The following FBXW11 variants were observed in gnomAD, a reference collection of about 807,000 sequenced individuals.
The protein encoded by FBXW11 is F-box and WD repeat domain containing 11.
A neutral mutation model predicts 77.6 loss-of-function variants in FBXW11; 19 were observed. That is an observed-to-expected ratio of 0.24 (90% CI 0.17 to 0.36). The LOEUF is 0.36. FBXW11 is among the 10% of genes least tolerant of loss of function. FBXW11 has a pLI of 1.00. For synonymous variants in FBXW11, 235 were observed against 249.4 expected (o/e 0.94, Z 0.54); for missense variants, 334 against 704.2 (o/e 0.47, Z 5.95).
intron 2 of FBXW11, among the ~76,000 whole-genome samples, chr5:171,925,499 G>A (rs80213724): frequency 0.026 from 3,997 of 152,206 alleles, 166 homozygotes; most frequent in African/African-American, 0.091. Context: ...TATTTTGTTT[G>A]AGACAAAGTC....
At chr5:171,981,266 C>A (rs985435872) in intron 1 of FBXW11, among the ~76,000 whole-genome samples, 7 of 152,130 alleles carry the variant, frequency 4.6e-5, no homozygotes, top group African/African-American at 1.7e-4. Flanking sequence ...CACCCAGGAC[C>A]CTTCTAGACC....
intron 2 of FBXW11, among the ~76,000 whole-genome samples, chr5:171,938,359 GGC>G (rs1762581239): frequency 6.6e-6 from 1 of 152,128 alleles, no homozygotes; most frequent in African/African-American, 2.4e-5. Flanking sequence ...CACTGCACCT[GGC>G]CATAAACAGA....
chr5:171,899,984 A>G lies in FBXW11; in HGVS notation c.553T>C (p.Trp185Arg). Residue 185 changes from tryptophan (W) to arginine (R), a missense_variant, in exon 5 of 14, where the codon TGG becomes CGG. Physicochemically the swap from Trp to Arg is moderately radical, Grantham distance 101 (BLOSUM62 -3). This residue lies in a region of FBXW11 where 56 missense variants were observed against 144.9 expected (regional missense o/e 0.39). Coordinates refer to ENST00000517395, the MANE Select transcript of FBXW11 (RefSeq NM_001378974.1). ...WQRVISEGML[W>R]KKLIERMVRT... ...ACCATTCGTTCAATCAGCTTCTTCCAAAGCATTCCTTCTGAGATCACTCGC... is the reference window on the plus strand; with the variant it reads ...ACCATTCGTTCAATCAGCTTCTTCCGAAGCATTCCTTCTGAGATCACTCGC... 1 of 1,613,860 alleles carries G rather than the reference A, an allele frequency of 6.2e-7. No homozygotes were observed.
At position 171,913,818 on chromosome 5, in the gene FBXW11, T is replaced by TACACACAC. The variant is rs1161644281; in HGVS notation, c.210+517_210+524dup. 3.9e-3 allele frequency among the ~76,000 whole-genome samples: 255 copies of TACACACAC among 65,176 alleles called. 8 individuals carry two copies. The highest frequency in any genetic ancestry group is 6.7e-3 in the South Asian group (13 of 1,928). 42.8% of individuals were successfully genotyped at this position (65,176 alleles called of 152,430 possible). ...CCCCAAACCCCCAACCACACACACA[T>TACACACAC]ACACACACACACACACACACACACA... On this transcript the variant is annotated intron_variant, in intron 3 of 13. Coordinates refer to ENST00000517395, the MANE Select transcript of FBXW11 (RefSeq NM_001378974.1).
rs1294746945 is a variant in FBXW11 at position 171,926,053 on chromosome 5, A to G, written c.148-11648T>C. Among the ~76,000 whole-genome samples the G allele has an allele frequency of 5.9e-5, 9 of 152,326 alleles. No homozygotes were observed. The East Asian group carries it at 1.7e-3, about 29-fold the overall frequency. ...AAAGCAACCATGTGCTTACAATATT[A>G]TCTCTGTAATTTTTATTTGATTTTT... On this transcript the variant is annotated intron_variant, in intron 2 of 13. Coordinates refer to ENST00000517395, the MANE Select transcript of FBXW11 (RefSeq NM_001378974.1).
In FBXW11 at chr5:171,869,198, A is replaced by G. The variant is rs1327451751; in HGVS notation, c.1531-402T>C. On this transcript the variant is annotated intron_variant, in intron 12 of 13. Coordinates refer to ENST00000517395, the MANE Select transcript of FBXW11 (RefSeq NM_001378974.1). The surrounding 1 kb of genome is among the most constrained non-coding windows in gnomAD (Gnocchi z 4.1). ...TGCCAGCATCAAAATTCATGGTGAA[A>G]TAATAATATAAGAGTTCCCATTAAA... Among the ~76,000 whole-genome samples, 1 of 152,216 alleles carries G rather than the reference A, an allele frequency of 6.6e-6. No homozygotes were observed. Among genetic ancestry groups the G allele is most frequent in the Non-Finnish European group, 1.5e-5 (1 of 68,040 alleles).
rs139296844 is a variant in FBXW11 at position 171,875,427 on chromosome 5, T to C, written c.1221+858A>G. ...GTCCAATCCCAAGACAGAAGGTAGA[T>C]GAGTGATCACCAGGGACTGGGAAGA... On this transcript the variant is annotated intron_variant, in intron 9 of 13. Coordinates refer to ENST00000517395, the MANE Select transcript of FBXW11 (RefSeq NM_001378974.1). Among the ~76,000 whole-genome samples the C allele has an allele frequency of 1.4e-4, 22 of 152,306 alleles. No homozygotes were observed. In the East Asian group the frequency reaches 3.9e-3, roughly 27 times the overall value.
chr5:171,943,729 G>A (rs922711752), intron 2 of FBXW11, among the ~76,000 whole-genome samples: 6 of 152,204 alleles, frequency 3.9e-5, no homozygotes, highest in Admixed American at 6.5e-5. Context: ...GATAACAGGC[G>A]TGAGCCACCG....
At chr5:171,914,773 T>C (rs750800571) in intron 2 of FBXW11, among the ~76,000 whole-genome samples, 7 of 152,224 alleles carry the variant, frequency 4.6e-5, no homozygotes, top group Non-Finnish European at 1.0e-4. Flanking sequence ...AAACATTTAC[T>C]AGAAGGTCTG....
intron 2 of FBXW11, among the ~76,000 whole-genome samples, chr5:171,944,540 G>A (rs1412378990): frequency 2.4e-5 from 3 of 124,376 alleles, no homozygotes; most frequent in Admixed American, 2.2e-4. Flanking sequence ...TCGCGCCACT[G>A]CACTCCAGCC....
chr5:171,868,857 T>A, intron 12 of FBXW11, 61 bp from the exon 13 acceptor site: 1 of 1,489,966 alleles, frequency 6.7e-7, no homozygotes, highest in Non-Finnish European at 9.1e-7. Flanking sequence ...TATCTCACAA[T>A]GAGAAACTGG....
chr5:171,940,084 T>C (rs531756432), intron 2 of FBXW11, among the ~76,000 whole-genome samples: 1 of 152,316 alleles, frequency 6.6e-6, no homozygotes, highest in East Asian at 1.9e-4. Context: ...ATATTTTCAA[T>C]CCTAGGTTGA....
intron 7 of FBXW11, among the ~76,000 whole-genome samples, chr5:171,884,568 T>C (rs1298122210): frequency 2.6e-5 from 4 of 152,248 alleles, no homozygotes; most frequent in Non-Finnish European, 4.4e-5. Flanking sequence ...TTTTATCTAA[T>C]TCTGTGAAGA....
At chr5:171,873,026 C>T (rs771245045) in intron 9 of FBXW11, 36 bp from the exon 10 acceptor site, 4 of 1,526,902 alleles carry the variant, frequency 2.6e-6, no homozygotes, top group South Asian at 1.1e-5. Flanking sequence ...AAAGAATGAA[C>T]ACAGGAAAGT....
At chr5:171,979,848 T>G (rs1765049923) in intron 1 of FBXW11, among the ~76,000 whole-genome samples, 2 of 152,052 alleles carry the variant, frequency 1.3e-5, no homozygotes, top group African/African-American at 4.8e-5. Context: ...CGAGACAGGG[T>G]CATTTATAAC....
chr5:171,897,790 T>C (rs922123892), intron 6 of FBXW11, among the ~76,000 whole-genome samples: 4 of 151,898 alleles, frequency 2.6e-5, no homozygotes, highest in Non-Finnish European at 4.4e-5. Context: ...TAATGTAGTT[T>C]ATAAGATGTG....
At chr5:171,864,472 G>A (rs1368236989) in intron 13 of FBXW11, among the ~76,000 whole-genome samples, 1 of 152,156 alleles carries the variant, frequency 6.6e-6, no homozygotes, top group African/African-American at 2.4e-5. Context: ...AACAAAAGAT[G>A]CTTCACATTC....
At chr5:171,868,008 A>G (rs1433818822) in intron 13 of FBXW11, 4 of 152,184 alleles carry the variant, frequency 2.6e-5, no homozygotes, top group Non-Finnish European at 2.9e-5. Flanking sequence ...TAATCAAAAC[A>G]TTCTGTCATC....
chr5:171,924,533 T>C (rs2569084), intron 2 of FBXW11, among the ~76,000 whole-genome samples: 141,953 of 152,162 alleles, frequency 0.93, 66,288 homozygotes, highest in East Asian at 1. Context: ...GCTCACCCTC[T>C]GGTTGTGAGC....
Sources: allele counts gnomAD v4.1 joint callset (sites outside exome capture counted in the v4.1 genomes callset), GRCh38; gene constraint gnomAD v4.1.1; regional missense constraint gnomAD v4.1.1; non-coding constraint Gnocchi (gnomAD v3.1); transcripts MANE v1.5; gene names NCBI Gene and HGNC (gene_info 2026-07-23, HGNC 2026-07-21).